KLF17: variants seen among roughly 807,000 people sequenced by gnomAD.
KLF17 encodes the protein KLF transcription factor 17.
KLF17 carries 31 observed loss-of-function variants against 34.2 expected under a neutral mutation model. That is an observed-to-expected ratio of 0.91 (90% CI 0.68 to 1.22). The LOEUF is 1.22. Among genes scored for constraint, KLF17 ranks in the 50% most tolerant of loss-of-function variants. The pLI is 0.00. For synonymous variants in KLF17, 179 were observed against 186.7 expected (o/e 0.96, Z 0.34); for missense variants, 478 against 505.2 (o/e 0.95, Z 0.52).
At position 44,118,886 on chromosome 1, in the gene KLF17, G is replaced by C; in HGVS notation, c.-22G>C. On this transcript the variant is annotated 5_prime_UTR_variant, in exon 1 of 4. Transcript: ENST00000372299. ...TGGTTCCCTGTCTCTTCAGTAGAGA[G>C]TCTAGACCCCACCCAGTCTTCATGT... The C allele has an allele frequency of 6.2e-7, 1 of 1,601,590 alleles. No individual in the cohort carries two copies. The highest frequency in any genetic ancestry group is 8.5e-7 in the Non-Finnish European group (1 of 1,174,156).
chr1:44,127,712 C>CT (rs71587042), intron 1 of KLF17, among the ~76,000 whole-genome samples: 11 of 73,996 alleles, frequency 1.5e-4, no homozygotes, highest in South Asian at 8.7e-4. Flanking sequence ...TTCTTTCTTT[C>CT]TTCTCTTTTC....
the KLF17 span, among the ~76,000 whole-genome samples, chr1:44,083,118 A>AT: frequency 7.6e-3 from 1,128 of 148,180 alleles, 7 homozygotes; most frequent in African/African-American, 0.015. Flanking sequence ...TTAAAAAAAA[A>AT]TTTTTTTTTT....
the KLF17 span, chr1:44,106,775 G>A: frequency 3.9e-5 from 6 of 152,206 alleles, no homozygotes; most frequent in African/African-American, 1.4e-4. Context: ...CAGACTGGGA[G>A]ACAGAGGCAA....
the KLF17 span, chr1:44,048,625 A>C: frequency 6.6e-6 from 1 of 152,214 alleles, no homozygotes; most frequent in Non-Finnish European, 1.5e-5. Flanking sequence ...TTGGGGCTTT[A>C]GAAAATATTC....
intron 1 of KLF17, among the ~76,000 whole-genome samples, chr1:44,124,166 T>C (rs1383044049): frequency 1.3e-5 from 2 of 152,146 alleles, no homozygotes; most frequent in Admixed American, 6.5e-5. Context: ...TTCTGCCAAA[T>C]TGTCTTTTGG....
intron 1 of KLF17, among the ~76,000 whole-genome samples, chr1:44,126,097 C>T (rs1052983758): frequency 6.6e-6 from 1 of 152,090 alleles, no homozygotes; most frequent in Non-Finnish European, 1.5e-5. Context: ...GATCTTGGCT[C>T]ACTGCAAGCT....
the KLF17 span, among the ~76,000 whole-genome samples, chr1:44,057,708 T>C: frequency 6.6e-6 from 1 of 152,208 alleles, no homozygotes; most frequent in Non-Finnish European, 1.5e-5. Flanking sequence ...AATAATTAAG[T>C]ATTCCCATGA....
At chr1:44,103,894 T>TC in the KLF17 span, 1 of 805,918 alleles carries the variant, frequency 1.2e-6, no homozygotes, top group African/African-American at 1.7e-5. Context: ...TCCCAGTGCC[T>TC]CCCAGCCAGC....
the KLF17 span, among the ~76,000 whole-genome samples, chr1:44,053,260 G>A: frequency 6.6e-6 from 1 of 152,130 alleles, no homozygotes; most frequent in African/African-American, 2.4e-5. Context: ...TAAAAAGGAA[G>A]GAAAATGGGA....
chr1:44,073,457 C>T, the KLF17 span, among the ~76,000 whole-genome samples: 10,645 of 151,964 alleles, frequency 0.07, 364 homozygotes, highest in Non-Finnish European at 0.082. Context: ...CCACCCACCT[C>T]GGCCTCCCAA....
chr1:44,109,254 G>A, the KLF17 span, among the ~76,000 whole-genome samples: 1 of 152,158 alleles, frequency 6.6e-6, no homozygotes, highest in African/African-American at 2.4e-5. Flanking sequence ...AATTAAAGGG[G>A]CTTTGTCCTG....
intron 1 of KLF17, among the ~76,000 whole-genome samples, chr1:44,121,536 A>AT (rs1187160052): frequency 6.6e-6 from 1 of 152,192 alleles, no homozygotes; most frequent in Non-Finnish European, 1.5e-5. Flanking sequence ...GTATCTGGTG[A>AT]TTATGTCCCT....
At chr1:44,111,622 C>CT in the KLF17 span, among the ~76,000 whole-genome samples, 1 of 152,010 alleles carries the variant, frequency 6.6e-6, no homozygotes, top group Non-Finnish European at 1.5e-5. Flanking sequence ...TTTATCAAAA[C>CT]TAAGAAATAG....
the KLF17 span, among the ~76,000 whole-genome samples, chr1:44,058,667 C>CTT: frequency 2.4e-3 from 158 of 65,210 alleles, 24 homozygotes; most frequent in East Asian, 0.01. Flanking sequence ...ATGGGAGGCC[C>CTT]TTTTTTTTTT....
At chr1:44,095,510 C>T in the KLF17 span, among the ~76,000 whole-genome samples, 49,190 of 151,686 alleles carry the variant, frequency 0.32, 8,078 homozygotes, top group South Asian at 0.38. Context: ...CCACCATGCC[C>T]AGCCTTTTAT....
rs34643385 is a variant in KLF17, at chr1:44,127,639, C to CTTCTTTCT, written c.82-1667_82-1660dup. On this transcript the variant is annotated intron_variant, in intron 1 of 3. Coordinates refer to ENST00000372299, the MANE Select transcript of KLF17 (RefSeq NM_173484.4). ...CTTTTCTTTTCTTTTCTTTTCTTTC[C>CTTCTTTCT]TTCTTTCTTTCTTTCTTTCTTTCTT... Among the ~76,000 whole-genome samples, 367 of 77,364 alleles carry CTTCTTTCT rather than the reference C, an allele frequency of 4.7e-3. 6 individuals carry two copies. Among genetic ancestry groups the CTTCTTTCT allele is most frequent in the African/African-American group, 0.016 (314 of 19,596 alleles). 50.8% of individuals were successfully genotyped at this position (77,364 alleles called of 152,430 possible). A position where few individuals can be genotyped will look rare whatever the true frequency, so the allele number is the denominator to read the frequency against.
intron 1 of KLF17, among the ~76,000 whole-genome samples, chr1:44,127,692 T>TTTCTTTCTTTCTTTTTCTTTC (rs1553171671): frequency 1.1e-5 from 1 of 90,136 alleles, no homozygotes; most frequent in African/African-American, 5.5e-5. Flanking sequence ...CTTTCTTTCT[T>TTTCTTTCTTTCTTTTTCTTTC]TTTCTTTCTT....
At chr1:44,103,431 A>G in the KLF17 span, 1 of 793,008 alleles carries the variant, frequency 1.3e-6, no homozygotes, top group South Asian at 1.3e-5. Context: ...GCTGGCGCCC[A>G]TGCCAGAGCC....
chr1:44,115,274 C>T (rs552471199), upstream of KLF17: 1 of 152,012 alleles, frequency 6.6e-6, no homozygotes, highest in African/African-American at 2.4e-5. Context: ...AACCCCGTCT[C>T]TACTACAAAT....
Sources: allele counts gnomAD v4.1 joint callset (sites outside exome capture counted in the v4.1 genomes callset), GRCh38; gene constraint gnomAD v4.1.1; transcripts MANE v1.5; gene names NCBI Gene and HGNC (gene_info 2026-07-23, HGNC 2026-07-21).